Variants in ELAVL2 observed in about 807,000 individuals in gnomAD.
ELAVL2 encodes ELAV like RNA binding protein 2.
A neutral mutation model predicts 34.6 loss-of-function variants in ELAVL2; 4 were observed. That is an observed-to-expected ratio of 0.12 (90% CI 0.06 to 0.26). The LOEUF is 0.26. ELAVL2 is among the 10% of genes least tolerant of loss of function. The pLI, the probability that ELAVL2 is intolerant of heterozygous loss-of-function variation, is 1.00. For synonymous variants in ELAVL2, 193 were observed against 154.8 expected (o/e 1.25, Z -1.83); for missense variants, 432 against 442.8 (o/e 0.98, Z 0.22).
At chr9:23,846,326 A>G in the ELAVL2 span, among the ~76,000 whole-genome samples, 1 of 151,934 alleles carries the variant, frequency 6.6e-6, no homozygotes, top group Non-Finnish European at 1.5e-5. Context: ...AAGTATATCA[A>G]AGTAAACTCT....
At position 23,813,961 on chromosome 9, in the gene ELAVL2, T is replaced by C. The variant is rs187565536; in HGVS notation, c.-16+11845A>G. ...CCAGGCAAACAAACCAAGGTCAAAG[T>C]GAAACAAGCCATGCTTCATCCTTAA... On this transcript the variant is annotated intron_variant, in intron 1 of 6. Coordinates refer to ENST00000397312, the MANE Select transcript of ELAVL2 (RefSeq NM_004432.5). Among the ~76,000 whole-genome samples, 3 of 152,262 alleles carry C rather than the reference T, an allele frequency of 2.0e-5. No homozygotes were observed. The East Asian group carries it at 5.8e-4, about 29-fold the overall frequency.
chr9:23,773,980 G>A (rs1426564316), intron 1 of ELAVL2, among the ~76,000 whole-genome samples: 1 of 151,972 alleles, frequency 6.6e-6, no homozygotes, highest in Non-Finnish European at 1.5e-5. Flanking sequence ...GGGAGGCCGA[G>A]GCGGGCAGAT....
intron 1 of ELAVL2, among the ~76,000 whole-genome samples, chr9:23,771,018 A>G (rs376900968): frequency 6.2e-4 from 94 of 152,300 alleles, no homozygotes; most frequent in South Asian, 2.1e-3. Flanking sequence ...ACAAAAAAGG[A>G]AACTATAAAA....
chr9:23,693,646 C>T (rs2034024615), intron 5 of ELAVL2, among the ~76,000 whole-genome samples, 160 bp from the exon 6 acceptor site: 1 of 152,138 alleles, frequency 6.6e-6, no homozygotes, highest in African/African-American at 2.4e-5. Context: ...AGCTAATGGG[C>T]ACCGACTGCC....
At chr9:23,731,830 A>G (rs2046640214) in intron 2 of ELAVL2, among the ~76,000 whole-genome samples, 1 of 152,080 alleles carries the variant, frequency 6.6e-6, no homozygotes, top group Non-Finnish European at 1.5e-5. Context: ...ATAACAGGAG[A>G]AAAAAAGTCT....
At chr9:23,704,377 C>T (rs185791283) in intron 4 of ELAVL2, among the ~76,000 whole-genome samples, 1 of 152,136 alleles carries the variant, frequency 6.6e-6, no homozygotes, top group African/African-American at 2.4e-5. Context: ...TTTAGTCTTC[C>T]CATTTCAGTT....
chr9:23,711,569 A>G (rs1457427391), intron 3 of ELAVL2, among the ~76,000 whole-genome samples: 1 of 152,098 alleles, frequency 6.6e-6, no homozygotes, highest in Admixed American at 6.5e-5. Flanking sequence ...CCTCCTTCCA[A>G]TCAGCTAAAT....
At chr9:23,809,975 A>G (rs2062762269) in intron 1 of ELAVL2, among the ~76,000 whole-genome samples, 1 of 152,018 alleles carries the variant, frequency 6.6e-6, no homozygotes, top group African/African-American at 2.4e-5. Flanking sequence ...TTGACCTGCC[A>G]TTTTTTTCTC....
intron 3 of ELAVL2, among the ~76,000 whole-genome samples, chr9:23,708,647 C>T (rs1463628609): frequency 6.6e-6 from 1 of 152,182 alleles, no homozygotes; most frequent in Non-Finnish European, 1.5e-5. Flanking sequence ...AGTTATTCCA[C>T]TTTTTATTAT....
intron 5 of ELAVL2, among the ~76,000 whole-genome samples, chr9:23,701,100 T>TAG (rs2037044409): frequency 6.6e-6 from 1 of 152,166 alleles, no homozygotes; most frequent in Non-Finnish European, 1.5e-5. Flanking sequence ...TGAATACCTC[T>TAG]AGACATTGCC....
chr9:23,766,793 C>T (rs1288027894), intron 1 of ELAVL2, among the ~76,000 whole-genome samples: 1 of 152,142 alleles, frequency 6.6e-6, no homozygotes, highest in African/African-American at 2.4e-5. Flanking sequence ...TGTAAAGCTA[C>T]TTCCCCTTCA....
intron 5 of ELAVL2, 46 bp downstream of exon 5, chr9:23,701,333 T>C: frequency 6.3e-7 from 1 of 1,594,870 alleles, no homozygotes; most frequent in Non-Finnish European, 8.6e-7. Flanking sequence ...ACCTGAGTAT[T>C]CTCTTTCAGT....
intron 1 of ELAVL2, among the ~76,000 whole-genome samples, chr9:23,805,973 G>A (rs2062166611): frequency 6.6e-6 from 1 of 151,894 alleles, no homozygotes; most frequent in Admixed American, 6.6e-5. Flanking sequence ...TTTTTTCTGG[G>A]TGGTCCAAGT....
rs550921940 is a variant in ELAVL2 at position 23,730,551 on chromosome 9, G to A, written c.333+471C>T. 2.6e-5 allele frequency among the ~76,000 whole-genome samples: 4 copies of A among 152,146 alleles called. No homozygotes were observed. The South Asian group carries it at 8.3e-4, about 32-fold the overall frequency. On this transcript the variant is annotated intron_variant, in intron 3 of 6. Coordinates refer to ENST00000397312, the MANE Select transcript of ELAVL2 (RefSeq NM_004432.5). ...CATCTTATCAATCTCAAGTTTCATT[G>A]CCCATAAATAAAGTTTTATTGGATA...
chr9:23,840,953 C>G, the ELAVL2 span, among the ~76,000 whole-genome samples: 1 of 152,144 alleles, frequency 6.6e-6, no homozygotes, highest in African/African-American at 2.4e-5. Flanking sequence ...ACACGTTGGA[C>G]TGACATGACC....
intron 4 of ELAVL2, among the ~76,000 whole-genome samples, chr9:23,702,969 A>AAAAAAAC (rs2037909436): frequency 2.1e-5 from 3 of 146,094 alleles, no homozygotes; most frequent in East Asian, 4.0e-4. Context: ...AAAAAAAAAA[A>AAAAAAAC]AAAAAAAAAA....
At chr9:23,736,664 G>A (rs575310027) in intron 2 of ELAVL2, among the ~76,000 whole-genome samples, 3 of 152,224 alleles carry the variant, frequency 2.0e-5, no homozygotes, top group Admixed American at 6.5e-5. Flanking sequence ...CAGCTAAATC[G>A]GCCCCTTGTC....
chr9:23,760,943 A>G (rs890329105), intron 2 of ELAVL2, among the ~76,000 whole-genome samples: 2 of 151,998 alleles, frequency 1.3e-5, no homozygotes, highest in African/African-American at 4.8e-5. Flanking sequence ...CCCATGTATG[A>G]AAAAGTCAAA....
chr9:23,844,981 T>G, the ELAVL2 span, among the ~76,000 whole-genome samples: 1 of 151,944 alleles, frequency 6.6e-6, no homozygotes, highest in Non-Finnish European at 1.5e-5. Flanking sequence ...TTAAACATAG[T>G]TCACATTTTT....
Sources: gnomAD v4.1 joint callset for allele counts (sites outside exome capture counted in the v4.1 genomes callset) on GRCh38, gnomAD v4.1.1 for gene constraint, MANE v1.5 for transcripts, NCBI Gene and HGNC (gene_info 2026-07-23, HGNC 2026-07-21) for gene names.